Variants in ZNG1F observed in about 807,000 individuals in gnomAD.
ZNG1F encodes the protein Zn regulated GTPase metalloprotein activator 1F.
the ZNG1F span, among the ~76,000 whole-genome samples, chr9:41,150,042 A>C: frequency 0.11 from 2,617 of 23,378 alleles, 926 homozygotes; most frequent in South Asian, 0.37. Context: ...GGCGATTTCT[A>C]CATTTCCATC....
chr9:41,183,496 AT>A, the ZNG1F span: 2 of 1,460,708 alleles, frequency 1.4e-6, no homozygotes, highest in Non-Finnish European at 9.2e-7. Context: ...ACTCAAGAAA[AT>A]TAAAGCTGGA....
the ZNG1F span, among the ~76,000 whole-genome samples, chr9:41,184,108 G>A: frequency 6.6e-6 from 1 of 151,086 alleles, no homozygotes; most frequent in African/African-American, 2.4e-5. Flanking sequence ...ACAAACTGCT[G>A]AATATTCCCA....
the ZNG1F span, among the ~76,000 whole-genome samples, chr9:41,149,690 G>A: frequency 5.0e-4 from 76 of 150,520 alleles, no homozygotes; most frequent in African/African-American, 1.8e-3. Context: ...GAAATGGGAA[G>A]CTGCTATTCA....
the ZNG1F span, chr9:41,145,549 T>C: frequency 1.7e-6 from 1 of 598,486 alleles, no homozygotes; most frequent in Non-Finnish European, 2.8e-6. Context: ...CATTCATATA[T>C]ATACATATGC....
At chr9:41,139,299 G>C in the ZNG1F span, among the ~76,000 whole-genome samples, 1 of 143,712 alleles carries the variant, frequency 7.0e-6, no homozygotes. Flanking sequence ...GTACTGGGGG[G>C]TAGTCTGCAC....
At chr9:41,150,395 G>A in the ZNG1F span, among the ~76,000 whole-genome samples, 1 of 145,346 alleles carries the variant, frequency 6.9e-6, no homozygotes, top group Non-Finnish European at 1.5e-5. Context: ...GAGGCTGGGG[G>A]AGGGGCGCCC....
At chr9:41,174,033 C>T in the ZNG1F span, among the ~76,000 whole-genome samples, 26 of 148,196 alleles carry the variant, frequency 1.8e-4, 1 homozygote, top group Non-Finnish European at 2.1e-4. Context: ...ACCAGTCAGG[C>T]CAACATGGCA....
chr9:41,134,167 A>G, the ZNG1F span: 2 of 158,276 alleles, frequency 1.3e-5, no homozygotes, highest in Admixed American at 6.4e-5. Flanking sequence ...GGGAGTGAAG[A>G]TAACTATTTC....
At chr9:41,159,190 A>C in the ZNG1F span, among the ~76,000 whole-genome samples, 2 of 150,806 alleles carry the variant, frequency 1.3e-5, no homozygotes, top group African/African-American at 4.9e-5. Context: ...TTCAAACTCC[A>C]GTGAGTCTCA....
At chr9:41,187,508 G>C in the ZNG1F span, among the ~76,000 whole-genome samples, 1 of 145,658 alleles carries the variant, frequency 6.9e-6, no homozygotes, top group Non-Finnish European at 1.5e-5. Context: ...ACAGGTCCTT[G>C]TAATTCATGT....
the ZNG1F span, among the ~76,000 whole-genome samples, chr9:41,201,245 C>A: frequency 7.1e-6 from 1 of 141,756 alleles, no homozygotes; most frequent in Admixed American, 7.3e-5. Flanking sequence ...AATATGTGCT[C>A]ATATATATAT....
the ZNG1F span, among the ~76,000 whole-genome samples, chr9:41,154,596 T>A: frequency 7.0e-4 from 101 of 144,522 alleles, 3 homozygotes; most frequent in South Asian, 0.022. Flanking sequence ...ACTACCTGAC[T>A]TCAAACTATA....
chr9:41,174,243 A>AAAAAAAAAAAAAAAAAAT, the ZNG1F span: 1 of 1,469,468 alleles, frequency 6.8e-7, no homozygotes, highest in Non-Finnish European at 9.1e-7. Context: ...AAAAAAAAAA[A>AAAAAAAAAAAAAAAAAAT]AAAAAAAAAA....
the ZNG1F span, among the ~76,000 whole-genome samples, chr9:41,187,039 C>T: frequency 3.0e-4 from 43 of 145,328 alleles, 4 homozygotes; most frequent in African/African-American, 8.8e-4. Context: ...ATGAGTGTTT[C>T]GCAGGGCAGT....
the ZNG1F span, among the ~76,000 whole-genome samples, chr9:41,184,221 G>A: frequency 6.8e-6 from 1 of 147,498 alleles, no homozygotes; most frequent in African/African-American, 2.5e-5. Context: ...GGCGGATAAC[G>A]AGGTCAGGAG....
the ZNG1F span, chr9:41,183,677 A>G: frequency 6.2e-7 from 1 of 1,606,316 alleles, no homozygotes; most frequent in South Asian, 1.1e-5. Context: ...TAAATAACAA[A>G]CAATAAATAA....
the ZNG1F span, among the ~76,000 whole-genome samples, chr9:41,185,606 G>A: frequency 6.6e-6 from 1 of 151,698 alleles, no homozygotes; most frequent in East Asian, 1.9e-4. Flanking sequence ...CCGGGAGACA[G>A]AGGTGGCAGT....
chr9:41,164,794 GTGAACT>G, the ZNG1F span: 1 of 340,516 alleles, frequency 2.9e-6, no homozygotes, highest in Non-Finnish European at 5.2e-6. Flanking sequence ...TCTATTAACT[GTGAACT>G]ATATTCTGCA....
chr9:41,193,825 G>T, the ZNG1F span, among the ~76,000 whole-genome samples: 236 of 147,384 alleles, frequency 1.6e-3, no homozygotes, highest in African/African-American at 2.0e-3. Context: ...GCTTGAACCC[G>T]AAAGGTGAGG....
Sources: gnomAD v4.1 joint callset for allele counts (sites outside exome capture counted in the v4.1 genomes callset) on GRCh38, gnomAD v4.1.1 for gene constraint, MANE v1.5 for transcripts, NCBI Gene and HGNC (gene_info 2026-07-23, HGNC 2026-07-21) for gene names.